Variants in NBAS observed in about 807,000 individuals in gnomAD.
The protein encoded by NBAS is NAG/BC035112 fusion.
A neutral mutation model predicts 302.5 loss-of-function variants in NBAS; 219 were observed. The observed-to-expected ratio is 0.72, with a 90% CI of 0.65 to 0.81. The LOEUF (loss-of-function observed/expected upper bound fraction) is 0.81. Ranked by LOEUF, NBAS falls within the 30% of genes least tolerant of loss-of-function variation. NBAS has a pLI of 0.00. For synonymous variants in NBAS, 1,118 were observed against 1,021.6 expected, an observed-to-expected ratio of 1.09 and a Z score of -1.80; for missense variants, 2,932 against 2,841.6, an observed-to-expected ratio of 1.03 and a Z score of -0.72.
At chr2:14,848,119 G>T in the NBAS span, among the ~76,000 whole-genome samples, 1 of 151,898 alleles carries the variant, frequency 6.6e-6, no homozygotes, top group Non-Finnish European at 1.5e-5. Flanking sequence ...AGCTCCCAGC[G>T]TGAGCGACGC....
chr2:15,306,489 T>C (rs1385473237), intron 40 of NBAS, among the ~76,000 whole-genome samples: 3 of 152,200 alleles, frequency 2.0e-5, no homozygotes, highest in Non-Finnish European at 4.4e-5. Flanking sequence ...AAATAAACAC[T>C]GATGAATGAA....
At position 15,528,884 on chromosome 2, in the gene NBAS, T is replaced by A. The variant is rs1459381445; in HGVS notation, c.746+5659A>T. On this transcript the variant is annotated intron_variant, in intron 9 of 51. Coordinates refer to ENST00000281513, the MANE Select transcript of NBAS (RefSeq NM_015909.4). ...TCCATCTCAAAAAAAAAAAAATATA[T>A]ATATATATATATATGTGTGTATATA... Among the ~76,000 whole-genome samples the A allele has an allele frequency of 8.8e-3, 1,109 of 125,662 alleles. 18 individuals carry two copies. Among genetic ancestry groups the A allele is most frequent in the African/African-American group, 0.029 (968 of 32,916 alleles). The allele number at this position is 125,662 out of a possible 152,430, so 82.4% of individuals were successfully genotyped here. A position where few individuals can be genotyped will look rare whatever the true frequency, so the allele number is the denominator to read the frequency against.
chr2:15,164,889 C>T (rs775947123), downstream of NBAS, among the ~76,000 whole-genome samples: 29 of 152,246 alleles, frequency 1.9e-4, no homozygotes, highest in South Asian at 1.2e-3. Flanking sequence ...TTCTAGTAAA[C>T]GAGGATGTGA....
At chr2:15,444,581 G>T (rs2148522640) in intron 21 of NBAS, among the ~76,000 whole-genome samples, 1 of 152,184 alleles carries the variant, frequency 6.6e-6, no homozygotes, top group East Asian at 1.9e-4. Flanking sequence ...TACCATTCAG[G>T]ACATAGGCAT....
the NBAS span, among the ~76,000 whole-genome samples, chr2:15,067,169 A>C: frequency 7.5e-5 from 3 of 40,142 alleles, no homozygotes; most frequent in Admixed American, 3.5e-4. Context: ...CAAAAAAAAA[A>C]AAAAAAAAAA....
rs1451723488 is a variant in NBAS at position 15,330,741 on chromosome 2, T to C, written c.4204A>G (p.Asn1402Asp). 1 of 1,614,006 alleles carries C rather than the reference T, an allele frequency of 6.2e-7. No homozygotes were observed. Residue 1402 changes from asparagine (N) to aspartate (D), a missense_variant, in exon 36 of 52, where the codon AAT becomes GAT. Transcript: ENST00000281513. Reference sequence around the variant, plus strand: ...GTCCAGCGCAATAGGTCAGCTGAATTGCTACCTGGAACACCTACTTCATCC... The same window carrying C: ...GTCCAGCGCAATAGGTCAGCTGAATCGCTACCTGGAACACCTACTTCATCC... Reference protein sequence around the residue: ...QEDEVGVPGSNSADLLRWTTA... With the variant: ...QEDEVGVPGSDSADLLRWTTA...
chr2:15,171,223 C>T (rs1461376864), intron 51 of NBAS, among the ~76,000 whole-genome samples: 2 of 152,112 alleles, frequency 1.3e-5, no homozygotes, highest in African/African-American at 4.8e-5. Context: ...CAAGCTGATT[C>T]CTCCTTCCTC....
chr2:15,048,311 A>G, the NBAS span, among the ~76,000 whole-genome samples: 1 of 152,180 alleles, frequency 6.6e-6, no homozygotes, highest in Non-Finnish European at 1.5e-5. Context: ...TCTGCTTGCA[A>G]AGTCCAATGT....
At chr2:15,234,332 T>C (rs946236036) in intron 46 of NBAS, among the ~76,000 whole-genome samples, 1 of 152,228 alleles carries the variant, frequency 6.6e-6, no homozygotes, top group Non-Finnish European at 1.5e-5. Flanking sequence ...AGAAATTACA[T>C]AGCTTAAGAT....
At chr2:15,073,040 T>A in the NBAS span, among the ~76,000 whole-genome samples, 1 of 152,000 alleles carries the variant, frequency 6.6e-6, no homozygotes, top group Non-Finnish European at 1.5e-5. Context: ...GGAGAACTGC[T>A]TAAGCCTGGG....
chr2:15,055,991 A>C, the NBAS span, among the ~76,000 whole-genome samples: 2 of 152,150 alleles, frequency 1.3e-5, no homozygotes, highest in African/African-American at 4.8e-5. Flanking sequence ...ATTTTTGTAA[A>C]TTTTGAACTA....
the NBAS span, among the ~76,000 whole-genome samples, chr2:14,961,636 C>A: frequency 6.6e-6 from 1 of 152,074 alleles, no homozygotes; most frequent in Non-Finnish European, 1.5e-5. Context: ...CAACACAAAT[C>A]GACTGACATA....
chr2:15,137,833 T>C, the NBAS span, among the ~76,000 whole-genome samples: 1 of 152,164 alleles, frequency 6.6e-6, no homozygotes, highest in South Asian at 2.1e-4. Flanking sequence ...TGGAGTGCAA[T>C]GGAGCGATCA....
intron 44 of NBAS, among the ~76,000 whole-genome samples, chr2:15,260,847 T>C (rs1668817000): frequency 6.6e-6 from 1 of 152,138 alleles, no homozygotes; most frequent in African/African-American, 2.4e-5. Flanking sequence ...TTGCATATAC[T>C]GAAAGCAAAC....
At chr2:15,505,393 T>A (rs1661797179) in intron 10 of NBAS, among the ~76,000 whole-genome samples, 1 of 152,212 alleles carries the variant, frequency 6.6e-6, no homozygotes, top group South Asian at 2.1e-4. Context: ...GGGCATGATA[T>A]GAAGAGGCAG....
the NBAS span, among the ~76,000 whole-genome samples, chr2:15,161,508 T>C: frequency 6.6e-6 from 1 of 152,170 alleles, no homozygotes; most frequent in South Asian, 2.1e-4. Flanking sequence ...GAACGCTAAG[T>C]AACCAGTACT....
chr2:14,950,683 G>A, the NBAS span, among the ~76,000 whole-genome samples: 1 of 152,174 alleles, frequency 6.6e-6, no homozygotes, highest in Non-Finnish European at 1.5e-5. Context: ...GTAGAAGTAG[G>A]TGCTATTTGC....
the NBAS span, among the ~76,000 whole-genome samples, chr2:15,056,822 CT>C: frequency 1.2e-4 from 17 of 138,232 alleles, no homozygotes; most frequent in South Asian, 2.3e-4. Context: ...TTTCCCTTTT[CT>C]TTTTTTTTTC....
intron 9 of NBAS, among the ~76,000 whole-genome samples, chr2:15,517,698 G>A (rs565999428): frequency 1.3e-5 from 2 of 152,146 alleles, no homozygotes; most frequent in African/African-American, 4.8e-5. Flanking sequence ...GTGAAAAAAG[G>A]GTGTTTTATA....
Sources: gnomAD v4.1 joint callset for allele counts (sites outside exome capture counted in the v4.1 genomes callset) on GRCh38, gnomAD v4.1.1 for gene constraint, MANE v1.5 for transcripts, NCBI Gene and HGNC (gene_info 2026-07-23, HGNC 2026-07-21) for gene names.